Variants in MRTFA observed in about 807,000 individuals in gnomAD.
MRTFA encodes myocardin related transcription factor A, also known as myocardin-related transcription factor A.
MRTFA carries 20 observed loss-of-function variants against 83.5 expected under a neutral mutation model. That is an observed-to-expected ratio of 0.24 (90% confidence interval 0.17 to 0.35). The LOEUF is 0.35. MRTFA is among the 10% of genes least tolerant of loss of function. The pLI, the probability that MRTFA is intolerant of heterozygous loss-of-function variation, is 1.00. For synonymous variants in MRTFA, 659 were observed against 541.2 expected, an observed-to-expected ratio of 1.22 and a Z score of -3.02; for missense variants, 1,200 against 1,224.7, an observed-to-expected ratio of 0.98 and a Z score of 0.30.
chr22:40,476,651 G>A (rs1297835142), intron 3 of MRTFA, among the ~76,000 whole-genome samples: 3 of 151,996 alleles, frequency 2.0e-5, no homozygotes, highest in East Asian at 1.9e-4. Context: ...ACAGGGTTTC[G>A]CCTGTTGCCC....
At chr22:40,436,979 G>A (rs1305418444) in intron 4 of MRTFA, among the ~76,000 whole-genome samples, 1 of 152,170 alleles carries the variant, frequency 6.6e-6, no homozygotes, top group Non-Finnish European at 1.5e-5. Context: ...AGCAGTCCCA[G>A]AAGAAAGCTT....
intron 1 of MRTFA, among the ~76,000 whole-genome samples, chr22:40,607,358 G>GT (rs2056329944): frequency 6.6e-6 from 1 of 152,132 alleles, no homozygotes; most frequent in Non-Finnish European, 1.5e-5. Flanking sequence ...CAAAAAATTA[G>GT]CAGGGCATGC....
At chr22:40,419,867 G>A (rs2052790404) in intron 11 of MRTFA, among the ~76,000 whole-genome samples, 1 of 152,232 alleles carries the variant, frequency 6.6e-6, no homozygotes, top group African/African-American at 2.4e-5. Context: ...GCCCTAGGAT[G>A]GAAGCCAAGT....
At chr22:40,430,349 G>A (rs755413684) in intron 6 of MRTFA, among the ~76,000 whole-genome samples, 3 of 151,910 alleles carry the variant, frequency 2.0e-5, no homozygotes, top group South Asian at 2.1e-4. Flanking sequence ...TTAGCCAGGC[G>A]TGGTGGCATG....
intron 4 of MRTFA, among the ~76,000 whole-genome samples, chr22:40,445,890 C>G (rs1208521450): frequency 6.6e-6 from 1 of 152,192 alleles, no homozygotes; most frequent in African/African-American, 2.4e-5. Flanking sequence ...TGGTTGTTGT[C>G]AATTTGGTCA....
rs777616048 is a variant in MRTFA at position 40,425,203 on chromosome 22, G to A, written c.602-822C>T. Reference sequence around the variant, plus strand: ...GAGGAGGGCGTAGCACAGAGCTTCTGTTCCATGGGGTCCCAGTGGGAAGGA... The same window carrying A: ...GAGGAGGGCGTAGCACAGAGCTTCTATTCCATGGGGTCCCAGTGGGAAGGA... On this transcript the variant is annotated intron_variant, in intron 7 of 14. Coordinates refer to ENST00000355630, the MANE Select transcript of MRTFA (RefSeq NM_020831.6). Among the ~76,000 whole-genome samples, 17 of 152,258 alleles carry A rather than the reference G, an allele frequency of 1.1e-4. 2 individuals carry two copies. The highest frequency in any genetic ancestry group is 9.8e-4 in the Admixed American group (15 of 15,288).
chr22:40,457,467 A>AAAGG (rs1318600322), intron 4 of MRTFA, among the ~76,000 whole-genome samples: 3 of 151,024 alleles, frequency 2.0e-5, no homozygotes, highest in Admixed American at 6.6e-5. Flanking sequence ...AGAAAGAAAG[A>AAAGG]AAGAAAGAAA....
intron 3 of MRTFA, among the ~76,000 whole-genome samples, chr22:40,514,373 A>G (rs1206164583): frequency 3.9e-5 from 6 of 152,056 alleles, no homozygotes; most frequent in South Asian, 2.1e-4. Context: ...TGTGGTTTAT[A>G]TATCTTTATA....
intron 2 of MRTFA, among the ~76,000 whole-genome samples, chr22:40,590,009 G>A (rs1448001697): frequency 2.0e-5 from 3 of 147,136 alleles, no homozygotes; most frequent in African/African-American, 5.1e-5. Flanking sequence ...GAGACAGAGC[G>A]AGACTCCGTC....
chr22:40,447,320 T>C (rs1260152670), intron 4 of MRTFA, among the ~76,000 whole-genome samples: 1 of 150,016 alleles, frequency 6.7e-6, no homozygotes, highest in Non-Finnish European at 1.5e-5. Context: ...GCCACTGCTC[T>C]CCAGCCTAAG....
intron 1 of MRTFA, among the ~76,000 whole-genome samples, chr22:40,620,207 C>G (rs906695044): frequency 6.6e-6 from 1 of 151,150 alleles, no homozygotes; most frequent in East Asian, 2.0e-4. Flanking sequence ...CTCACCACAA[C>G]CTCCACCTCC....
At chr22:40,440,392 T>C (rs761761613) in intron 4 of MRTFA, among the ~76,000 whole-genome samples, 55 of 152,202 alleles carry the variant, frequency 3.6e-4, no homozygotes, top group Non-Finnish European at 5.1e-4. Flanking sequence ...CTTTCTTCCC[T>C]TGTCTAAACC....
chr22:40,462,699 T>C (rs1036350544), intron 4 of MRTFA, among the ~76,000 whole-genome samples: 1 of 152,234 alleles, frequency 6.6e-6, no homozygotes, highest in African/African-American at 2.4e-5. Flanking sequence ...GGTGCCGTGA[T>C]AGCGCCATCA....
chr22:40,543,054 TG>T (rs973900824), intron 3 of MRTFA, among the ~76,000 whole-genome samples: 16 of 152,186 alleles, frequency 1.1e-4, no homozygotes, highest in African/African-American at 3.6e-4. Flanking sequence ...CTCTAAGTAC[TG>T]GAATGAAGTA....
At chr22:40,461,059 G>T (rs905095671) in intron 4 of MRTFA, among the ~76,000 whole-genome samples, 1 of 151,614 alleles carries the variant, frequency 6.6e-6, no homozygotes, top group Non-Finnish European at 1.5e-5. Flanking sequence ...AATTAGCCAG[G>T]CATGATGGCT....
chr22:40,411,312 G>A lies in MRTFA; in HGVS notation c.*78C>T. 1 of 1,433,306 alleles carries A rather than the reference G, an allele frequency of 7.0e-7. No individual in the cohort carries two copies. Among genetic ancestry groups the A allele is most frequent in the Non-Finnish European group, 9.4e-7 (1 of 1,064,320 alleles). 88.8% of individuals were successfully genotyped at this position (1,433,306 alleles called of 1,614,324 possible). A position where few individuals can be genotyped will look rare whatever the true frequency, so the allele number is the denominator to read the frequency against. ...TCAAGACTCACAACCATGTGGAGAGGCCGAATCACGCAGGAGAGCCACGCA... is the reference window on the plus strand; with the variant it reads ...TCAAGACTCACAACCATGTGGAGAGACCGAATCACGCAGGAGAGCCACGCA... On this transcript the variant is annotated 3_prime_UTR_variant, in exon 15 of 15. Coordinates refer to ENST00000355630, the MANE Select transcript of MRTFA (RefSeq NM_020831.6).
intron 3 of MRTFA, among the ~76,000 whole-genome samples, chr22:40,527,539 C>T (rs1205723035): frequency 1.3e-5 from 2 of 152,000 alleles, no homozygotes; most frequent in Non-Finnish European, 2.9e-5. Context: ...GGGCAGATCA[C>T]GAAGTTAGGA....
intron 2 of MRTFA, among the ~76,000 whole-genome samples, chr22:40,561,049 T>C (rs2055607303): frequency 6.6e-6 from 1 of 152,232 alleles, no homozygotes; most frequent in Admixed American, 6.5e-5. Context: ...TTTCAATCAA[T>C]TAATGAACTT....
intron 1 of MRTFA, among the ~76,000 whole-genome samples, chr22:40,610,164 A>G (rs979567690): frequency 2.0e-5 from 3 of 148,240 alleles, no homozygotes; most frequent in African/African-American, 7.5e-5. Flanking sequence ...CTCCTGCCTC[A>G]GCCTCCCGGG....
Sources: allele counts gnomAD v4.1 joint callset (sites outside exome capture counted in the v4.1 genomes callset), GRCh38; gene constraint gnomAD v4.1.1; transcripts MANE v1.5; gene names NCBI Gene and HGNC (gene_info 2026-07-23, HGNC 2026-07-21).